IL16: variants seen among roughly 807,000 people sequenced by gnomAD.
IL16 encodes the protein interleukin 16.
In IL16, 67 loss-of-function variants were observed where a neutral mutation model predicts 110.1. The ratio of observed to expected loss-of-function variants is 0.61; its 90% CI spans 0.50 to 0.75. The LOEUF (loss-of-function observed/expected upper bound fraction) is 0.75, where lower values mean the gene tolerates loss of function less well. IL16 is among the 30% of genes least tolerant of loss of function. The pLI, the probability that IL16 is intolerant of heterozygous loss-of-function variation, is 0.00. For synonymous variants in IL16, 689 were observed against 662.9 expected, an observed-to-expected ratio of 1.04 and a Z score of -0.61; for missense variants, 1,545 against 1,655.0, an observed-to-expected ratio of 0.93 and a Z score of 1.15.
chr15:81,236,727 G>T (rs576228867), intron 2 of IL16, among the ~76,000 whole-genome samples: 31 of 152,082 alleles, frequency 2.0e-4, no homozygotes, highest in Non-Finnish European at 4.0e-4. Context: ...AGGCTGAGGC[G>T]GGTGGATCAT....
intron 2 of IL16, among the ~76,000 whole-genome samples, chr15:81,258,953 G>A (rs10851948): frequency 1 from 151,995 of 152,252 alleles, 75,875 homozygotes; most frequent in Middle Eastern, 1. Context: ...AATTAATACC[G>A]TCATCCTCAT....
chr15:81,284,288 C>A (rs779103035), intron 9 of IL16, among the ~76,000 whole-genome samples: 19 of 152,176 alleles, frequency 1.2e-4, no homozygotes, highest in Non-Finnish European at 2.8e-4. Flanking sequence ...TTTTGCCATC[C>A]TTTTAAAGGG....
chr15:81,253,624 G>C (rs114939054), intron 2 of IL16, among the ~76,000 whole-genome samples: 1,634 of 152,092 alleles, frequency 0.011, 30 homozygotes, highest in African/African-American at 0.038. Context: ...TCTATTTTGA[G>C]GTCCTTTTTG....
intron 4 of IL16, among the ~76,000 whole-genome samples, chr15:81,267,968 A>C (rs1898465927): frequency 6.6e-6 from 1 of 152,254 alleles, no homozygotes; most frequent in African/African-American, 2.4e-5. Flanking sequence ...ATGGGCACCC[A>C]TGTGGCCCAG....
chr15:81,279,886 G>A (rs147320559), intron 8 of IL16, 112 bp downstream of exon 8: 1 of 912,108 alleles, frequency 1.1e-6, no homozygotes, highest in African/African-American at 1.7e-5. Flanking sequence ...TTGTCTTTTA[G>A]CACATTTTAC....
At position 81,259,409 on chromosome 15, in the gene IL16, A is replaced by G. The variant is rs549988102; in HGVS notation, c.313-363A>G. ...TTATTTTGCTTGTTTATTGTCAGTCATCTTTCACTAAAATGCATTTTCTCC... is the reference window on the plus strand; with the variant it reads ...TTATTTTGCTTGTTTATTGTCAGTCGTCTTTCACTAAAATGCATTTTCTCC... On this transcript the variant is annotated intron_variant, in intron 2 of 18. Coordinates refer to ENST00000683961, the MANE Select transcript of IL16 (RefSeq NM_172217.5). Among the ~76,000 whole-genome samples, 16 of 152,274 alleles carry G rather than the reference A, an allele frequency of 1.1e-4. No homozygotes were observed. In the East Asian group the frequency reaches 2.9e-3, roughly 28 times the overall value.
chr15:81,188,555 G>A (rs78380152), intron 1 of IL16, among the ~76,000 whole-genome samples: 13,102 of 152,160 alleles, frequency 0.086, 891 homozygotes, highest in South Asian at 0.3. Context: ...CAGGGGATAG[G>A]TACTCAGGCT....
chr15:81,306,829 G>C lies in IL16; in HGVS notation c.3805+284G>C, dbSNP rs972987230. The C allele has an allele frequency of 5.1e-5, 24 of 466,094 alleles. No homozygotes were observed. The Admixed American group carries it at 8.0e-4, about 16-fold the overall frequency. 28.9% of individuals were successfully genotyped at this position (466,094 alleles called of 1,614,324 possible). A position where few individuals can be genotyped will look rare whatever the true frequency, so the allele number is the denominator to read the frequency against. ...CCAGGACTCTAGAGTGGGGCAGTGA[G>C]GCACTGGCCTGTGGGGCAGAATTTT... On this transcript the variant is annotated intron_variant, in intron 18 of 18. Coordinates refer to ENST00000683961, the MANE Select transcript of IL16 (RefSeq NM_172217.5).
intron 1 of IL16, among the ~76,000 whole-genome samples, chr15:81,221,466 T>A (rs2142023833): frequency 6.6e-6 from 1 of 152,340 alleles, no homozygotes; most frequent in East Asian, 1.9e-4. Flanking sequence ...CCCCCAGCTC[T>A]GCTGACATTT....
intron 1 of IL16, among the ~76,000 whole-genome samples, chr15:81,202,684 A>G (rs1595941785): frequency 6.6e-6 from 1 of 152,276 alleles, no homozygotes; most frequent in East Asian, 1.9e-4. Context: ...ATAGTATTCC[A>G]TGGTGTATAT....
intron 1 of IL16, among the ~76,000 whole-genome samples, chr15:81,223,860 C>T (rs959584478): frequency 1.3e-5 from 2 of 152,150 alleles, no homozygotes; most frequent in African/African-American, 2.4e-5. Context: ...GGCATGAACT[C>T]TGCAGAGGCT....
chr15:81,183,034 T>C (rs563567464), intron 1 of IL16: 2 of 446,986 alleles, frequency 4.5e-6, no homozygotes, highest in Admixed American at 2.5e-5. Flanking sequence ...AGTGTGTGTG[T>C]GCACACGTGT....
rs540939410 is a variant in IL16 at position 81,184,619 on chromosome 15, C to T, written c.40+1723C>T. Among the ~76,000 whole-genome samples, 31 of 152,318 alleles carry T rather than the reference C, an allele frequency of 2.0e-4. No homozygotes were observed. The South Asian group carries it at 6.2e-3, about 31-fold the overall frequency. On this transcript the variant is annotated intron_variant, in intron 1 of 18. Coordinates refer to the IL16 transcript ENST00000302987. Reference sequence around the variant, plus strand: ...ATGTCAGCTGTGGGAATGAACACCTCGGTCCAGGGGTGAGGAGCTTATCCG... The same window carrying T: ...ATGTCAGCTGTGGGAATGAACACCTTGGTCCAGGGGTGAGGAGCTTATCCG...
intron 2 of IL16, among the ~76,000 whole-genome samples, chr15:81,244,497 A>G (rs1358857800): frequency 6.6e-6 from 1 of 152,042 alleles, no homozygotes; most frequent in African/African-American, 2.4e-5. Context: ...TTTTTCTTCC[A>G]TTACTTAAAA....
At position 81,259,860 on chromosome 15, in the gene IL16, G is replaced by A. The variant is rs1898087158; in HGVS notation, c.401G>A (p.Arg134Lys). ...NFLFPKACHQ[R>K]ARSNSTSVNP... ...CTGTTTCCTAAAGCCTGCCACCAAA[G>A]GGCACGCAGCAACTCAACCAGTAAG... The change falls in exon 3 of 19, where the codon AGG (arginine) becomes AAG (lysine). Residue 134 changes from arginine (R) to lysine (K), a missense_variant. By Grantham distance (26) the Arg-to-Lys change is conservative. Around this residue, in one of 3 missense-constraint regions of IL16, gnomAD observed 1,185 missense variants for 1,238.8 expected, o/e 0.96. Transcript: ENST00000683961. 1 of 1,611,624 alleles carries A rather than the reference G, an allele frequency of 6.2e-7. No individual in the cohort carries two copies. The highest frequency in any genetic ancestry group is 1.3e-5 in the African/African-American group (1 of 74,888).
rs1162906017 is a variant in IL16, at chr15:81,308,664, G to T, written c.3865G>T (p.Gly1289Cys). 3.7e-6 allele frequency: 6 copies of T among 1,613,430 alleles called. No homozygotes were observed. In the East Asian group the frequency reaches 1.3e-4, roughly 36 times the overall value. The change falls in exon 19 of 19, where the codon GGC becomes TGC. Residue 1289 changes from glycine (G) to cysteine (C), a missense_variant. Physicochemically the swap from Gly to Cys is radical, Grantham distance 159. This residue lies in a region of IL16 where 356 missense variants were observed against 399.3 expected (regional missense o/e 0.89). Coordinates refer to ENST00000683961, the MANE Select transcript of IL16 (RefSeq NM_172217.5). Reference protein sequence around the residue: ...QPGDEILQLGGTAMQGLTRFE... With the variant: ...QPGDEILQLGCTAMQGLTRFE... ...TGGAGATGAAATCTTACAGCTGGGT[G>T]GCACTGCCATGCAGGGCCTCACACG...
chr15:81,224,088 A>G (rs544180288), intron 1 of IL16, among the ~76,000 whole-genome samples: 7 of 152,386 alleles, frequency 4.6e-5, no homozygotes, highest in African/African-American at 1.4e-4. Context: ...TGGTTGGTGA[A>G]TAAATTGATA....
intron 2 of IL16, among the ~76,000 whole-genome samples, chr15:81,242,492 T>C (rs909822696): frequency 6.6e-6 from 1 of 152,184 alleles, no homozygotes; most frequent in African/African-American, 2.4e-5. Context: ...TGCTTTCTTT[T>C]GAGTGATTAT....
chr15:81,212,235 T>A (rs1395147332), intron 1 of IL16, among the ~76,000 whole-genome samples: 69 of 152,130 alleles, frequency 4.5e-4, no homozygotes, highest in Non-Finnish European at 5.9e-5. Flanking sequence ...TTGGAGATTG[T>A]GTGTTTCCAG....
Sources: gnomAD v4.1 joint callset for allele counts (sites outside exome capture counted in the v4.1 genomes callset) on GRCh38, gnomAD v4.1.1 for gene constraint, gnomAD v4.1.1 regional missense constraint, MANE v1.5 for transcripts, NCBI Gene and HGNC (gene_info 2026-07-23, HGNC 2026-07-21) for gene names.